The following CSMD1 variants were observed in gnomAD, a reference collection of about 807,000 sequenced individuals.
The protein encoded by CSMD1 is CUB and Sushi multiple domains 1.
CSMD1 carries 213 observed loss-of-function variants against 417.5 expected under a neutral mutation model. The ratio of observed to expected loss-of-function variants is 0.51; its 90% confidence interval spans 0.46 to 0.57. The LOEUF (loss-of-function observed/expected upper bound fraction) is 0.57. CSMD1 is among the 20% of genes least tolerant of loss of function. CSMD1 has a pLI of 0.00. For missense variants in CSMD1, 6,923 were observed against 4,529.7 expected, an observed-to-expected ratio of 1.53 and a Z score of -15.17; for synonymous variants, 2,862 against 1,736.8, an observed-to-expected ratio of 1.65 and a Z score of -16.11.
chr8:3,573,215 T>C (rs1294918760), intron 10 of CSMD1, among the ~76,000 whole-genome samples: 1 of 152,188 alleles, frequency 6.6e-6, no homozygotes, highest in East Asian at 1.9e-4. Flanking sequence ...TCACAACTAT[T>C]CTCTAAGGTA....
At chr8:3,262,036 G>C (rs546892136) in intron 26 of CSMD1, among the ~76,000 whole-genome samples, 1 of 151,578 alleles carries the variant, frequency 6.6e-6, no homozygotes, top group African/African-American at 2.4e-5. Context: ...TGTTTTATTT[G>C]TTGCCACTCT....
intron 11 of CSMD1, among the ~76,000 whole-genome samples, chr8:3,488,895 G>T (rs963302649): frequency 6.6e-6 from 1 of 151,910 alleles, no homozygotes; most frequent in African/African-American, 2.4e-5. Flanking sequence ...ATTTCTATTT[G>T]GTTTGATTTC....
At chr8:4,988,929 G>C (rs1404007217) in intron 1 of CSMD1, among the ~76,000 whole-genome samples, 1 of 151,972 alleles carries the variant, frequency 6.6e-6, no homozygotes, top group Non-Finnish European at 1.5e-5. Flanking sequence ...TCCTGTAAAG[G>C]GAATTTTAAT....
intron 3 of CSMD1, among the ~76,000 whole-genome samples, chr8:4,234,471 G>C (rs1801928374): frequency 6.6e-6 from 1 of 152,084 alleles, no homozygotes; most frequent in Non-Finnish European, 1.5e-5. Context: ...GTGGCCATTT[G>C]AGACCTGCTT....
intron 2 of CSMD1, among the ~76,000 whole-genome samples, chr8:4,430,816 C>G (rs754763145): frequency 2.0e-5 from 3 of 152,246 alleles, no homozygotes; most frequent in African/African-American, 7.2e-5. Flanking sequence ...TTTTTCCTGT[C>G]AATTGTCACT....
intron 5 of CSMD1, among the ~76,000 whole-genome samples, chr8:3,785,983 A>T (rs375854254): frequency 6.6e-6 from 1 of 152,126 alleles, no homozygotes; most frequent in Non-Finnish European, 1.5e-5. Context: ...TCCCCAGGAG[A>T]CCTGAGTACT....
In CSMD1 at chr8:4,242,515, T is replaced by A. The variant is rs142480648; in HGVS notation, c.415+177438A>T. On this transcript the variant is annotated intron_variant, in intron 3 of 69. Transcript: ENST00000635120. The stretch of plus-strand genomic sequence containing the variant: ...GAGCAATTTTCATATTTATTAAGTA[T>A]CTTAAAAATGTTCTTAACTAGTCTT... Among the ~76,000 whole-genome samples, 286 of 152,360 alleles carry A rather than the reference T, an allele frequency of 1.9e-3. 5 individuals are homozygous for A. In the East Asian group the frequency reaches 0.052, roughly 27 times the overall value.
chr8:3,220,312 T>C (rs902285037), intron 28 of CSMD1, among the ~76,000 whole-genome samples: 2 of 152,206 alleles, frequency 1.3e-5, no homozygotes, highest in Non-Finnish European at 2.9e-5. Flanking sequence ...TCTCCATTTT[T>C]CTGTTTCTCT....
chr8:4,041,016 C>T (rs200914903), intron 3 of CSMD1, among the ~76,000 whole-genome samples: 42 of 78,618 alleles, frequency 5.3e-4, no homozygotes, highest in Admixed American at 1.5e-3. Flanking sequence ...TTTTTTTTTT[C>T]CTTTTTTTTT....
At chr8:4,477,821 G>A (rs949700674) in intron 2 of CSMD1, among the ~76,000 whole-genome samples, 4 of 152,144 alleles carry the variant, frequency 2.6e-5, no homozygotes, top group African/African-American at 9.7e-5. Context: ...AGTATGTGCT[G>A]TATTATATTT....
chr8:4,447,994 C>T (rs968517965), intron 2 of CSMD1, among the ~76,000 whole-genome samples: 3 of 152,066 alleles, frequency 2.0e-5, no homozygotes, highest in African/African-American at 4.8e-5. Context: ...GAAATTTTTG[C>T]CAGGGGCAGG....
At chr8:3,373,400 T>G (rs554770570) in intron 18 of CSMD1, 2 of 152,282 alleles carry the variant, frequency 1.3e-5, no homozygotes, top group South Asian at 4.1e-4. Context: ...TTGTTTAGAT[T>G]TATATGGGTG....
chr8:4,504,753 T>C (rs534773319), intron 2 of CSMD1, among the ~76,000 whole-genome samples: 7 of 152,248 alleles, frequency 4.6e-5, no homozygotes, highest in Non-Finnish European at 7.4e-5. Flanking sequence ...TGTTCCTGTG[T>C]TAGTTTGCTG....
At chr8:3,602,583 A>C (rs894240134) in intron 8 of CSMD1, among the ~76,000 whole-genome samples, 7 of 152,148 alleles carry the variant, frequency 4.6e-5, no homozygotes, top group Non-Finnish European at 1.0e-4. Context: ...CAGAGCCATG[A>C]AATTTTTGCA....
intron 7 of CSMD1, among the ~76,000 whole-genome samples, chr8:3,639,364 A>G (rs1341928146): frequency 6.6e-6 from 1 of 152,206 alleles, no homozygotes; most frequent in Non-Finnish European, 1.5e-5. Context: ...AAAAAGAGAG[A>G]ATGAAAGTGA....
intron 10 of CSMD1, among the ~76,000 whole-genome samples, chr8:3,559,491 C>T (rs568575135): frequency 2.3e-4 from 34 of 150,072 alleles, no homozygotes; most frequent in Admixed American, 2.0e-3. Flanking sequence ...TTAAAGGCAC[C>T]GTGAAGAAGA....
At chr8:3,983,060 G>A (rs1814009679) in intron 5 of CSMD1, among the ~76,000 whole-genome samples, 1 of 151,830 alleles carries the variant, frequency 6.6e-6, no homozygotes, top group Non-Finnish European at 1.5e-5. Flanking sequence ...CAAGTTGGCT[G>A]ACTCTTTTCC....
chr8:4,412,319 A>G (rs199653461), intron 3 of CSMD1, among the ~76,000 whole-genome samples: 5 of 152,026 alleles, frequency 3.3e-5, no homozygotes, highest in Non-Finnish European at 7.4e-5. Flanking sequence ...GACACAGCGC[A>G]AAAGATTCAC....
At chr8:4,404,116 T>A (rs1804845952) in intron 3 of CSMD1, among the ~76,000 whole-genome samples, 1 of 152,202 alleles carries the variant, frequency 6.6e-6, no homozygotes, top group South Asian at 2.1e-4. Flanking sequence ...TTCTCCAGAA[T>A]TCCACGCGAG....
Sources: gnomAD v4.1 joint callset for allele counts (sites outside exome capture counted in the v4.1 genomes callset) on GRCh38, gnomAD v4.1.1 for gene constraint, MANE v1.5 for transcripts, NCBI Gene and HGNC (gene_info 2026-07-23, HGNC 2026-07-21) for gene names.